Variants in HLCS observed in about 807,000 individuals in gnomAD.
The protein encoded by HLCS is biotin--protein ligase.
HLCS carries 53 observed loss-of-function variants against 75.0 expected under a neutral mutation model. That is an observed-to-expected ratio of 0.71 (90% confidence interval 0.57 to 0.89). HLCS has a LOEUF of 0.89. HLCS is among the 40% of genes least tolerant of loss of function. The probability of loss-of-function intolerance (pLI) is 0.00; values close to 1 mark genes in which losing one functional copy is unlikely to be tolerated. For missense variants in HLCS, 966 were observed against 1,074.0 expected, an observed-to-expected ratio of 0.90 and a Z score of 1.41; for synonymous variants, 431 against 428.6, an observed-to-expected ratio of 1.01 and a Z score of -0.07.
At position 36,767,298 on chromosome 21, in the gene HLCS, G is replaced by A. The variant is rs765284588; in HGVS notation, c.1893-13C>T. The A allele has an allele frequency of 4.3e-6, 7 of 1,613,854 alleles. No homozygotes were observed. Among genetic ancestry groups the A allele is most frequent in the African/African-American group, 2.7e-5 (2 of 74,926 alleles). On this transcript the variant is annotated splice_polypyrimidine_tract_variant and intron_variant, in intron 6 of 10. Coordinates refer to ENST00000674895, the MANE Select transcript of HLCS (RefSeq NM_001352514.2). ...CTGAAACATCAGCCTGCCGAAGAGG[G>A]GGAAAGACCGGTTAGGCCAGACATG...
At position 36,753,644 on chromosome 21, in the gene HLCS, A is replaced by G. The variant is rs2089444938; in HGVS notation, c.*602T>C. ...TCCTCTACAAGGTCACTGCAACCAC[A>G]CCAGCTAGCTCTATCTCTACAGGCA... On this transcript the variant is annotated 3_prime_UTR_variant, in exon 11 of 11. Transcript: ENST00000674895. This position sits in a 1 kb window ranked among gnomAD's most constrained non-coding sequence, Gnocchi z 4.3. The G allele has an allele frequency of 6.4e-6, 1 of 155,428 alleles. No homozygotes were observed. The highest frequency in any genetic ancestry group is 1.4e-5 in the Non-Finnish European group (1 of 70,128). 9.6% of individuals were successfully genotyped at this position (155,428 alleles called of 1,614,324 possible). A position where few individuals can be genotyped will look rare whatever the true frequency, so the allele number is the denominator to read the frequency against.
chr21:36,938,374 G>A (rs2066990362), intron 3 of HLCS, among the ~76,000 whole-genome samples: 1 of 152,128 alleles, frequency 6.6e-6, no homozygotes, highest in African/African-American at 2.4e-5. Context: ...AAAAAATCTT[G>A]ACACATGCAT....
intron 1 of HLCS, among the ~76,000 whole-genome samples, chr21:36,976,192 A>G (rs1285066527): frequency 1.3e-5 from 2 of 152,180 alleles, no homozygotes; most frequent in Admixed American, 6.5e-5. Context: ...CAGCCTTTGT[A>G]TCCAGGTCAG....
At chr21:36,984,367 T>C (rs2069187239) in intron 1 of HLCS, among the ~76,000 whole-genome samples, 1 of 152,266 alleles carries the variant, frequency 6.6e-6, no homozygotes, top group South Asian at 2.1e-4. Context: ...AATAATAAAC[T>C]AATAATAAAA....
rs140652127 is a variant in HLCS at position 36,958,055 on chromosome 21, G to A, written c.330+3981C>T. Among the ~76,000 whole-genome samples, 448 of 151,588 alleles carry A rather than the reference G, an allele frequency of 3.0e-3. 1 individual carries two copies. Among genetic ancestry groups the A allele is most frequent in the Non-Finnish European group, 4.9e-3 (332 of 67,952 alleles). On this transcript the variant is annotated intron_variant, in intron 2 of 10. Coordinates refer to ENST00000674895, the MANE Select transcript of HLCS (RefSeq NM_001352514.2). ...ATCCTGGCTAACATGGTGAAACACCGTCTCTACTAAAAATACAATAAATAA... is the reference window on the plus strand; with the variant it reads ...ATCCTGGCTAACATGGTGAAACACCATCTCTACTAAAAATACAATAAATAA...
intron 5 of HLCS, among the ~76,000 whole-genome samples, chr21:36,909,599 A>G (rs541518436): frequency 6.6e-5 from 10 of 152,278 alleles, no homozygotes; most frequent in Non-Finnish European, 1.5e-4. Context: ...TCGCCACTTT[A>G]TTTATTGATT....
chr21:36,857,742 A>T (rs1300595356), intron 6 of HLCS, among the ~76,000 whole-genome samples: 1 of 152,068 alleles, frequency 6.6e-6, no homozygotes, highest in Admixed American at 6.6e-5. Context: ...ATAAAAGCCC[A>T]GTTTTTAGCT....
intron 10 of HLCS, among the ~76,000 whole-genome samples, chr21:36,755,065 C>T (rs890034206): frequency 1.1e-4 from 16 of 151,616 alleles, no homozygotes; most frequent in African/African-American, 3.7e-4. Context: ...CACACATAAA[C>T]ACACACAAGC....
chr21:36,824,917 T>A (rs2061959714), intron 6 of HLCS, among the ~76,000 whole-genome samples: 1 of 152,236 alleles, frequency 6.6e-6, no homozygotes, highest in African/African-American at 2.4e-5. Context: ...AGTAATGATC[T>A]ACAGGCAGTC....
chr21:36,876,153 G>A (rs936752440), intron 6 of HLCS, among the ~76,000 whole-genome samples: 3 of 152,116 alleles, frequency 2.0e-5, no homozygotes, highest in Non-Finnish European at 2.9e-5. Flanking sequence ...GCCAGTGTGC[G>A]CCTGGCTCAC....
intron 2 of HLCS, chr21:36,943,158 G>A (rs2067227070): frequency 1.3e-5 from 2 of 151,972 alleles, no homozygotes; most frequent in Admixed American, 1.3e-4. Context: ...GAAGACTTTG[G>A]GAGTTCCTCA....
chr21:36,899,361 C>T (rs896897701), intron 5 of HLCS, among the ~76,000 whole-genome samples: 3 of 152,084 alleles, frequency 2.0e-5, no homozygotes, highest in East Asian at 1.9e-4. Context: ...CAGTGGTTCA[C>T]GCCTGTAATC....
Position 36,966,428 on chromosome 21 carries a change from C to G in HLCS, c.195+16G>C. 2.8e-5 allele frequency: 11 copies of G among 397,316 alleles called. No individual in the cohort carries two copies. Among genetic ancestry groups the G allele is most frequent in the Non-Finnish European group, 3.7e-5 (11 of 293,746 alleles). 24.6% of individuals were successfully genotyped at this position (397,316 alleles called of 1,614,324 possible). On this transcript the variant is annotated intron_variant, in intron 1 of 10. Coordinates refer to ENST00000674895, the MANE Select transcript of HLCS (RefSeq NM_001352514.2). ...GCTCGCGGGGCCCGGGTCGCCCGCC[C>G]GCCCGACCCGCCCACCTGGCTGTCG...
intron 1 of HLCS, among the ~76,000 whole-genome samples, chr21:36,981,976 G>A (rs1156765794): frequency 6.6e-6 from 1 of 152,146 alleles, no homozygotes; most frequent in Non-Finnish European, 1.5e-5. Context: ...TGGATGTTGT[G>A]CAGAATAGCC....
At chr21:36,806,059 C>G (rs1019360350) in intron 6 of HLCS, 93 of 152,312 alleles carry the variant, frequency 6.1e-4, no homozygotes, top group African/African-American at 2.1e-3. Flanking sequence ...CCCTGAAGCT[C>G]TATTTAAGGA....
intron 5 of HLCS, among the ~76,000 whole-genome samples, chr21:36,926,073 C>T (rs1275658044): frequency 1.3e-5 from 2 of 152,156 alleles, no homozygotes; most frequent in Non-Finnish European, 2.9e-5. Context: ...ACCAGGTGAT[C>T]GCACCCCGGA....
At chr21:36,981,395 C>CTTTTTTTTTTTTTTTTTTT (rs11328067) in intron 1 of HLCS, among the ~76,000 whole-genome samples, 1 of 91,280 alleles carries the variant, frequency 1.1e-5, no homozygotes. Flanking sequence ...CTTAACCTTC[C>CTTTTTTTTTTTTTTTTTTT]TTTTTTTTTT....
At chr21:36,787,683 G>A (rs775553925) in intron 6 of HLCS, among the ~76,000 whole-genome samples, 10 of 152,140 alleles carry the variant, frequency 6.6e-5, no homozygotes, top group Non-Finnish European at 1.0e-4. Context: ...ACAACCAGGC[G>A]CTGCTTCCTG....
chr21:36,878,487 A>G (rs1225139682), intron 6 of HLCS, among the ~76,000 whole-genome samples: 1 of 152,228 alleles, frequency 6.6e-6, no homozygotes, highest in Non-Finnish European at 1.5e-5. Context: ...ACTACTGAGC[A>G]CCTATTAAAG....
Sources: allele counts gnomAD v4.1 joint callset (sites outside exome capture counted in the v4.1 genomes callset), GRCh38; gene constraint gnomAD v4.1.1; non-coding constraint Gnocchi (gnomAD v3.1); transcripts MANE v1.5; gene names NCBI Gene and HGNC (gene_info 2026-07-23, HGNC 2026-07-21).